Variants in HMGB1 observed in about 807,000 individuals in gnomAD.
The protein encoded by HMGB1 is high mobility group protein B1.
For synonymous variants in HMGB1, 81 were observed against 84.0 expected (o/e 0.96, Z 0.19); for missense variants, 79 against 253.5 (o/e 0.31, Z 4.67).
At chr13:30,517,784 CCACGGGTATTTCAGCATA>C (rs1392654703) in intron 1 of HMGB1, among the ~76,000 whole-genome samples, 1 of 152,106 alleles carries the variant, frequency 6.6e-6, no homozygotes, top group Non-Finnish European at 1.5e-5. Flanking sequence ...GTAGTTCTCT[CCACGGGTATTTCAGCATA>C]CAAAAACCAA....
At chr13:30,558,198 A>G (rs931354267) in intron 1 of HMGB1, among the ~76,000 whole-genome samples, 1 of 152,190 alleles carries the variant, frequency 6.6e-6, no homozygotes, top group Non-Finnish European at 1.5e-5. Context: ...TTTCTTGTCA[A>G]TTCTAATTTG....
intron 1 of HMGB1, among the ~76,000 whole-genome samples, chr13:30,558,423 G>GT (rs1869783687): frequency 6.6e-6 from 1 of 152,086 alleles, no homozygotes; most frequent in South Asian, 2.1e-4. Context: ...AAAGTGTGGA[G>GT]TTTAAAACCA....
intron 1 of HMGB1, among the ~76,000 whole-genome samples, chr13:30,577,869 A>T (rs1870726719): frequency 1.3e-5 from 2 of 152,182 alleles, no homozygotes; most frequent in Admixed American, 1.3e-4. Context: ...TGCCCACATC[A>T]TCCTCATGTT....
chr13:30,544,452 G>A (rs1869051776), intron 1 of HMGB1, among the ~76,000 whole-genome samples: 1 of 152,228 alleles, frequency 6.6e-6, no homozygotes, highest in African/African-American at 2.4e-5. Flanking sequence ...TCCGGGGAGG[G>A]AAGAGGGGCG....
chr13:30,525,818 C>G (rs1436307978), intron 1 of HMGB1, among the ~76,000 whole-genome samples: 1 of 151,272 alleles, frequency 6.6e-6, no homozygotes, highest in Non-Finnish European at 1.5e-5. Context: ...TCTGGTCTCT[C>G]CCTTGACAGG....
intron 1 of HMGB1, among the ~76,000 whole-genome samples, chr13:30,551,075 G>A (rs745696433): frequency 2.0e-5 from 3 of 152,058 alleles, no homozygotes; most frequent in South Asian, 2.1e-4. Context: ...TATTTCCCCC[G>A]AGTATCAGCA....
rs1482742474 is a variant in HMGB1 at position 30,526,985 on chromosome 13, T to G, written c.-14-63291A>C. Among the ~76,000 whole-genome samples, 3 of 152,250 alleles carry G rather than the reference T, an allele frequency of 2.0e-5. No homozygotes were observed. The East Asian group carries it at 5.8e-4, about 29-fold the overall frequency. On this transcript the variant is annotated intron_variant, in intron 1 of 4. Transcript: ENST00000405805. ...TTTCCACACATCCTTCTGATGGCCT[T>G]TGGCTTTACATCCTGCAGCTACGCA...
At chr13:30,563,158 C>T (rs767067602) in intron 1 of HMGB1, among the ~76,000 whole-genome samples, 6 of 152,240 alleles carry the variant, frequency 3.9e-5, no homozygotes, top group Non-Finnish European at 8.8e-5. Context: ...AACAAGGAAG[C>T]TCTGCTTCGA....
At chr13:30,616,312 G>T (rs943001884) in intron 1 of HMGB1, among the ~76,000 whole-genome samples, 4 of 152,166 alleles carry the variant, frequency 2.6e-5, no homozygotes, top group Non-Finnish European at 4.4e-5. Flanking sequence ...AATTTACACT[G>T]AAAGACTAAA....
chr13:30,557,721 T>C (rs1593311033), intron 1 of HMGB1, among the ~76,000 whole-genome samples: 1 of 152,218 alleles, frequency 6.6e-6, no homozygotes, highest in South Asian at 2.1e-4. Flanking sequence ...ACAAAGCTAA[T>C]TGTTACCTGA....
At chr13:30,573,340 C>T (rs1328451607) in intron 1 of HMGB1, among the ~76,000 whole-genome samples, 1 of 152,152 alleles carries the variant, frequency 6.6e-6, no homozygotes, top group Non-Finnish European at 1.5e-5. Context: ...CATAATTGTA[C>T]ACCAGGATAG....
chr13:30,509,666 T>C (rs1240428150), intron 1 of HMGB1, among the ~76,000 whole-genome samples: 1 of 152,096 alleles, frequency 6.6e-6, no homozygotes, highest in African/African-American at 2.4e-5. Context: ...AAAACTTTGG[T>C]TTTTGAGGAA....
intron 1 of HMGB1, among the ~76,000 whole-genome samples, chr13:30,527,254 C>T (rs890514119): frequency 1.3e-5 from 2 of 152,208 alleles, no homozygotes; most frequent in Non-Finnish European, 2.9e-5. Flanking sequence ...GGTCCGTAGT[C>T]TGTTTGCCAG....
chr13:30,547,530 G>A (rs915148733), intron 1 of HMGB1, among the ~76,000 whole-genome samples: 1 of 152,160 alleles, frequency 6.6e-6, no homozygotes, highest in Non-Finnish European at 1.5e-5. Flanking sequence ...GATACGTGTT[G>A]ATACAAACCA....
At chr13:30,548,300 G>A (rs906488285) in intron 1 of HMGB1, among the ~76,000 whole-genome samples, 3 of 151,998 alleles carry the variant, frequency 2.0e-5, no homozygotes, top group South Asian at 2.1e-4. Flanking sequence ...CCTTCCTGTC[G>A]CCATGTAAAG....
intron 1 of HMGB1, among the ~76,000 whole-genome samples, chr13:30,519,654 C>A (rs372475220): frequency 6.6e-6 from 1 of 151,514 alleles, no homozygotes. Flanking sequence ...GAGCTGAGAT[C>A]GCACCACTGC....
At chr13:30,588,972 G>T (rs1416601216) in intron 1 of HMGB1, among the ~76,000 whole-genome samples, 1 of 151,090 alleles carries the variant, frequency 6.6e-6, no homozygotes, top group Non-Finnish European at 1.5e-5. Context: ...GATATATATG[G>T]CCTCTAATTG....
In HMGB1 at chr13:30,604,506, C is replaced by T. The variant is rs190937657; in HGVS notation, c.-15+12165G>A. 4.5e-4 allele frequency among the ~76,000 whole-genome samples: 68 copies of T among 152,286 alleles called. No individual in the cohort carries two copies. In the East Asian group the frequency reaches 0.011, roughly 25 times the overall value. On this transcript the variant is annotated intron_variant, in intron 1 of 4. Transcript: ENST00000405805. ...GCTAGGGATGCTACTAAACATCCTACAATGCACAAGACAGCCCTTCCCCCA... is the reference window on the plus strand; with the variant it reads ...GCTAGGGATGCTACTAAACATCCTATAATGCACAAGACAGCCCTTCCCCCA...
intron 1 of HMGB1, among the ~76,000 whole-genome samples, chr13:30,471,593 G>A (rs1279414285): frequency 5.6e-5 from 8 of 143,932 alleles, no homozygotes; most frequent in African/African-American, 2.0e-4. Context: ...AACATCAGGT[G>A]ATCCACCCGC....
Sources: gnomAD v4.1 joint callset for allele counts (sites outside exome capture counted in the v4.1 genomes callset) on GRCh38, gnomAD v4.1.1 for gene constraint, MANE v1.5 for transcripts, NCBI Gene and HGNC (gene_info 2026-07-23, HGNC 2026-07-21) for gene names.